TRIB3: variants seen among roughly 807,000 people sequenced by gnomAD.
TRIB3 encodes tribbles pseudokinase 3, also known as tribbles homolog 3.
A neutral mutation model predicts 16.6 loss-of-function variants in TRIB3; 20 were observed. The observed-to-expected ratio is 1.20, with a 90% confidence interval of 0.85 to 1.75. The LOEUF is 1.75. Among genes scored for constraint, TRIB3 ranks in the 40% most tolerant of loss-of-function variants. TRIB3 has a pLI of 0.00. For missense variants in TRIB3, 484 were observed against 488.9 expected (o/e 0.99, Z 0.10); for synonymous variants, 208 against 217.0 (o/e 0.96, Z 0.36).
At position 396,290 on chromosome 20, in the gene TRIB3, TG is replaced by T. The variant is rs982849179; in HGVS notation, c.680del (p.Gly227AspfsTer96). The T allele has an allele frequency of 2.4e-5, 38 of 1,613,826 alleles. No homozygotes were observed. Among genetic ancestry groups the T allele is most frequent in the Non-Finnish European group, 3.1e-5 (36 of 1,180,038 alleles). Reference protein sequence around the residue: ...LWDKHACPAYVGPEILSSRAS... With the variant: ...LWDKHACPAYXGPEILSSRAS... ...GACAAGCACGCGTGCCCAGCCTACGTGGGACCTGAGATACTCAGCTCACGGG... is the reference window on the plus strand; with the variant it reads ...GACAAGCACGCGTGCCCAGCCTACGTGGACCTGAGATACTCAGCTCACGGG... On this transcript the variant is annotated frameshift_variant, in exon 4 of 4. Transcript: ENST00000217233. LOFTEE classifies it low-confidence loss of function (END_TRUNC).
At chr20:388,528 T>C (rs975825061) in intron 2 of TRIB3, among the ~76,000 whole-genome samples, 5 of 152,146 alleles carry the variant, frequency 3.3e-5, no homozygotes, top group African/African-American at 1.2e-4. Flanking sequence ...TGATAAATGC[T>C]GCAGGGGTAG....
chr20:382,362 G>C (rs2018591), intron 1 of TRIB3: 12,270 of 614,256 alleles, frequency 0.02, 788 homozygotes, highest in African/African-American at 0.17. Context: ...AGGGATGGCC[G>C]GGGCCAAGGC....
rs2015133910 is a variant in TRIB3 at position 396,516 on chromosome 20, T to C, written c.903T>C (p.Ala301=). The change falls in exon 4 of 4, where the codon GCT becomes GCC. Residue 301 remains alanine, a synonymous_variant. Transcript: ENST00000217233. ...GCTGCCTCCTTCGTCGGGAGCCAGC[T>C]GAACGGCTCACAGCCACAGGCATCC... The part of the protein sequence containing the change: ...LVRCLLRREP[A]ERLTATGILL... The C allele has an allele frequency of 6.2e-7, 1 of 1,613,064 alleles. No homozygotes were observed. The highest frequency in any genetic ancestry group is 1.3e-5 in the African/African-American group (1 of 74,954).
intron 1 of TRIB3, among the ~76,000 whole-genome samples, chr20:386,993 C>T (rs962349322): frequency 5.3e-5 from 8 of 152,194 alleles, no homozygotes; most frequent in African/African-American, 1.4e-4. Flanking sequence ...CCTCATGATT[C>T]GCCCACCTTG....
intron 1 of TRIB3, among the ~76,000 whole-genome samples, chr20:383,176 C>T (rs2014709307): frequency 6.6e-6 from 1 of 152,212 alleles, no homozygotes. Flanking sequence ...TTTCCTTTCA[C>T]TTAACAGTTC....
In TRIB3 at chr20:380,978, G is replaced by GATTAGCTCCGGTGTGCATCA. The variant is rs1475836304; in HGVS notation, c.-192_-191insATTAGCTCCGGTGTGCATCA. On this transcript the variant is annotated 5_prime_UTR_variant, in exon 1 of 4. An upstream open reading frame in the 5' UTR loses its in-frame stop. Coordinates refer to ENST00000217233, the MANE Select transcript of TRIB3 (RefSeq NM_021158.5). Reference sequence around the variant, plus strand: ...CCGGTTTGCATCACCCGGACCGGGGGCCGGGCGCGCACGAGACTCGCAGCG... The same window carrying GATTAGCTCCGGTGTGCATCA: ...CCGGTTTGCATCACCCGGACCGGGGGATTAGCTCCGGTGTGCATCACCGGGCGCGCACGAGACTCGCAGCG... The GATTAGCTCCGGTGTGCATCA allele has an allele frequency of 6.6e-6, 1 of 150,488 alleles. No homozygotes were observed. Among genetic ancestry groups the GATTAGCTCCGGTGTGCATCA allele is most frequent in the Non-Finnish European group, 1.5e-5 (1 of 67,498 alleles). The allele number at this position is 150,488 out of a possible 1,614,324, so 9.3% of individuals were successfully genotyped here. A position where few individuals can be genotyped will look rare whatever the true frequency, so the allele number is the denominator to read the frequency against.
At chr20:390,892 C>T (rs1171728178) in intron 2 of TRIB3, among the ~76,000 whole-genome samples, 1 of 150,874 alleles carries the variant, frequency 6.6e-6, no homozygotes, top group Non-Finnish European at 1.5e-5. Flanking sequence ...ATCCCAGCTA[C>T]ACTGGGGGCT....
At chr20:391,987 A>G (rs1029146516) in intron 3 of TRIB3, among the ~76,000 whole-genome samples, 100 of 150,800 alleles carry the variant, frequency 6.6e-4, no homozygotes, top group African/African-American at 2.2e-3. Context: ...ACGCCACTGC[A>G]CTCCAGCCTC....
intron 1 of TRIB3, chr20:385,307 T>C (rs1333659412): frequency 1.3e-5 from 2 of 152,002 alleles, no homozygotes; most frequent in African/African-American, 4.8e-5. Context: ...GAGACGGGGT[T>C]TCACCATGTT....
intron 1 of TRIB3, among the ~76,000 whole-genome samples, chr20:383,460 C>A (rs919154738): frequency 6.6e-6 from 1 of 152,100 alleles, no homozygotes; most frequent in Admixed American, 6.6e-5. Context: ...TTTTGTTTTG[C>A]TTTGTTTTGA....
chr20:395,699 C>G (rs1449038522), intron 3 of TRIB3, among the ~76,000 whole-genome samples: 2 of 152,142 alleles, frequency 1.3e-5, no homozygotes, highest in African/African-American at 2.4e-5. Context: ...AAAATGGTGT[C>G]TTCCTTGCAG....
At chr20:388,971 G>T (rs2014899592) in intron 2 of TRIB3, among the ~76,000 whole-genome samples, 2 of 152,094 alleles carry the variant, frequency 1.3e-5, no homozygotes, top group South Asian at 4.1e-4. Context: ...TAAACTAAGG[G>T]GTAGAAAAGT....
chr20:387,930 GCCACGTATCCTC>G lies in TRIB3; in HGVS notation c.1-76_1-65del, dbSNP rs533052340. On this transcript the variant is annotated intron_variant, in intron 1 of 3. Transcript: ENST00000217233. ...CCAGATCACCCCCTATAAATGTTGTGCCACGTATCCTCCCACCAGCAGGGGAAAGGAGGGGCC... is the reference window on the plus strand; with the variant it reads ...CCAGATCACCCCCTATAAATGTTGTGCCACCAGCAGGGGAAAGGAGGGGCC... The G allele has an allele frequency of 4.8e-4, 726 of 1,503,644 alleles. 1 individual carries two copies. The African/African-American group carries it at 8.5e-3, about 18-fold the overall frequency. 93.1% of individuals were successfully genotyped at this position (1,503,644 alleles called of 1,614,324 possible).
In TRIB3 at chr20:380,978, G is replaced by GATTAGCTCCGGTTCGCATCACCCGGA. The variant is rs1475836304; in HGVS notation, c.-192_-191insATTAGCTCCGGTTCGCATCACCCGGA. ...CCGGTTTGCATCACCCGGACCGGGG[G>GATTAGCTCCGGTTCGCATCACCCGGA]CCGGGCGCGCACGAGACTCGCAGCG... On this transcript the variant is annotated 5_prime_UTR_variant, in exon 1 of 4. An upstream open reading frame in the 5' UTR loses its in-frame stop. Coordinates refer to ENST00000217233, the MANE Select transcript of TRIB3 (RefSeq NM_021158.5). 1 of 150,488 alleles carries GATTAGCTCCGGTTCGCATCACCCGGA rather than the reference G, an allele frequency of 6.6e-6. No homozygotes were observed. The highest frequency in any genetic ancestry group is 2.4e-5 in the African/African-American group (1 of 40,864). The allele number at this position is 150,488 out of a possible 1,614,324, so 9.3% of individuals were successfully genotyped here.
In TRIB3 at chr20:391,170, C is replaced by A; in HGVS notation, c.292-117C>A. 3 of 1,153,654 alleles carry A rather than the reference C, an allele frequency of 2.6e-6. 1 individual carries two copies. The highest frequency in any genetic ancestry group is 6.0e-4 in the Middle Eastern group (2 of 3,330). 71.5% of individuals were successfully genotyped at this position (1,153,654 alleles called of 1,614,324 possible). On this transcript the variant is annotated intron_variant, in intron 2 of 3. Coordinates refer to ENST00000217233, the MANE Select transcript of TRIB3 (RefSeq NM_021158.5). ...GGGCTGAGTGACTCGGTCAGTGAAG[C>A]GCTTGGTGCGATGCCTAGCACATGG...
intron 1 of TRIB3, among the ~76,000 whole-genome samples, chr20:386,566 G>A (rs564634988): frequency 5.3e-5 from 8 of 151,842 alleles, no homozygotes; most frequent in South Asian, 2.1e-4. Flanking sequence ...GCACCACCAC[G>A]CCCGGCTAAT....
chr20:385,087 C>T (rs989143899), intron 1 of TRIB3, among the ~76,000 whole-genome samples: 7 of 152,120 alleles, frequency 4.6e-5, no homozygotes, highest in Non-Finnish European at 7.4e-5. Context: ...CACAATAGGG[C>T]CTCTACTAAC....
At chr20:395,256 C>T (rs1193230477) in intron 3 of TRIB3, among the ~76,000 whole-genome samples, 2 of 151,578 alleles carry the variant, frequency 1.3e-5, no homozygotes, top group African/African-American at 4.9e-5. Flanking sequence ...ACCTCCTGGG[C>T]TCAAGTCATA....
rs968153899 is a variant in TRIB3 at position 397,304 on chromosome 20, T to G, written c.*614T>G. The stretch of plus-strand genomic sequence containing the variant: ...TTGGGCCAGAGATAAGAATCCAAAC[T>G]ATGAGGCTAGTTCTTGTCTAACTCA... On this transcript the variant is annotated 3_prime_UTR_variant, in exon 4 of 4. Coordinates refer to ENST00000217233, the MANE Select transcript of TRIB3 (RefSeq NM_021158.5). The G allele has an allele frequency of 4.6e-5, 7 of 152,912 alleles. No individual in the cohort carries two copies. Among genetic ancestry groups the G allele is most frequent in the African/African-American group, 1.7e-4 (7 of 41,428 alleles). 9.5% of individuals were successfully genotyped at this position (152,912 alleles called of 1,614,324 possible). A position where few individuals can be genotyped will look rare whatever the true frequency, so the allele number is the denominator to read the frequency against.
Sources: allele counts gnomAD v4.1 joint callset (sites outside exome capture counted in the v4.1 genomes callset), GRCh38; gene constraint gnomAD v4.1.1; transcripts MANE v1.5; gene names NCBI Gene and HGNC (gene_info 2026-07-23, HGNC 2026-07-21).